AMZ1: variants seen among roughly 807,000 people sequenced by gnomAD.
AMZ1 encodes the protein archaemetzincin-1.
Under a neutral mutation model 29.9 loss-of-function variants are expected in AMZ1, and 39 were observed. The observed-to-expected ratio is 1.30, with a 90% CI of 1.01 to 1.70. The LOEUF is 1.70. AMZ1 is among the 40% of genes most tolerant of loss of function. The pLI, the probability that AMZ1 is intolerant of heterozygous loss-of-function variation, is 0.00. For synonymous variants in AMZ1, 458 were observed against 304.0 expected (o/e 1.51, Z -5.27); for missense variants, 1,041 against 680.6 (o/e 1.53, Z -5.89).
rs1269523430 is a variant in AMZ1, at chr7:2,708,678, C to T, written c.563C>T (p.Ala188Val). 1.2e-6 allele frequency: 2 copies of T among 1,613,146 alleles called. No individual in the cohort carries two copies. The highest frequency in any genetic ancestry group is 4.5e-5 in the East Asian group (2 of 44,884). The stretch of plus-strand genomic sequence containing the variant: ...CTGTCTGACCTGTACCCCCATGAGG[C>T]CTGGAGCTTCACCTTCAGCAAGTTC... Reference protein sequence around the residue: ...LTLSDLYPHEAWSFTFSKFLP... With the variant: ...LTLSDLYPHEVWSFTFSKFLP... Residue 188 changes from alanine (A) to valine (V), a missense_variant, in exon 4 of 7, where the codon GCC becomes GTC. Ala to Val is a moderately conservative substitution (Grantham distance 64). Coordinates refer to ENST00000683327, the MANE Select transcript of AMZ1 (RefSeq NM_001384743.1).
chr7:2,707,173 T>G (rs1002425373), intron 3 of AMZ1, among the ~76,000 whole-genome samples: 6 of 151,784 alleles, frequency 4.0e-5, no homozygotes, highest in Non-Finnish European at 8.8e-5. Context: ...CTCAGGAAGC[T>G]GAGGCAGGAG....
chr7:2,682,712 C>T (rs548842768), intron 1 of AMZ1, among the ~76,000 whole-genome samples: 6 of 152,256 alleles, frequency 3.9e-5, no homozygotes, highest in South Asian at 2.1e-4. Context: ...GCTTGTGTTC[C>T]GAGCCCCTTC....
chr7:2,709,727 G>C lies in AMZ1; in HGVS notation c.859G>C (p.Glu287Gln). 1.2e-6 allele frequency: 2 copies of C among 1,611,378 alleles called. No homozygotes were observed. Among genetic ancestry groups the C allele is most frequent in the South Asian group, 1.1e-5 (1 of 91,000 alleles). The change falls in exon 6 of 7, where the codon GAG becomes CAG. Residue 287 changes from glutamate (E) to glutamine (Q), a missense_variant. By Grantham distance (29) the Glu-to-Gln change is conservative. Coordinates refer to ENST00000683327, the MANE Select transcript of AMZ1 (RefSeq NM_001384743.1). ...CLMQGALSLD[E>Q]ALRRPLDLCP... ...CATGCAGGGTGCGCTCAGCCTGGAC[G>C]AGGCCCTGCGGCGGCCCCTGGACCT...
chr7:2,762,853 G>C (rs534113116), upstream of AMZ1: 4 of 1,479,822 alleles, frequency 2.7e-6, no homozygotes, highest in South Asian at 5.5e-5. Flanking sequence ...TCCGAAGCAG[G>C]AGAGGGCCAG....
intron 4 of AMZ1, among the ~76,000 whole-genome samples, chr7:2,747,126 T>C (rs1446399244): frequency 6.6e-6 from 1 of 152,178 alleles, no homozygotes; most frequent in African/African-American, 2.4e-5. Flanking sequence ...TCTGAAACTA[T>C]TCCAATCAAT....
downstream of AMZ1, among the ~76,000 whole-genome samples, chr7:2,722,272 G>A (rs774985873): frequency 8.6e-4 from 122 of 141,688 alleles, no homozygotes; most frequent in African/African-American, 2.5e-3. Context: ...AGGGCATTTC[G>A]AATTTTTTTT....
At chr7:2,722,647 G>A (rs1348066216), downstream of AMZ1, among the ~76,000 whole-genome samples, 1 of 152,214 alleles carries the variant, frequency 6.6e-6, no homozygotes, top group Non-Finnish European at 1.5e-5. Context: ...ACTGACAGAT[G>A]CAACAGAGAT....
chr7:2,723,802 C>T (rs560422332), downstream of AMZ1, among the ~76,000 whole-genome samples: 5 of 152,346 alleles, frequency 3.3e-5, no homozygotes, highest in African/African-American at 1.2e-4. Context: ...TACCAGAGAG[C>T]CCCGGAGCTG....
At chr7:2,708,203 T>A (rs773825733) in intron 3 of AMZ1, among the ~76,000 whole-genome samples, 11 of 152,186 alleles carry the variant, frequency 7.2e-5, no homozygotes, top group Non-Finnish European at 1.6e-4. Flanking sequence ...TTTAATCATC[T>A]GCAGCCCCTT....
At chr7:2,691,130 G>A (rs1156507796) in intron 1 of AMZ1, among the ~76,000 whole-genome samples, 5 of 39,504 alleles carry the variant, frequency 1.3e-4, no homozygotes, top group Non-Finnish European at 2.3e-4. Context: ...GGTGACAGAG[G>A]CAAAAAAAAA....
At chr7:2,683,903 T>C (rs1448559139), upstream of AMZ1, among the ~76,000 whole-genome samples, 1 of 151,096 alleles carries the variant, frequency 6.6e-6, no homozygotes, top group Non-Finnish European at 1.5e-5. Flanking sequence ...GTTGGCTGGG[T>C]GTAGTGGCTC....
intron 4 of AMZ1, among the ~76,000 whole-genome samples, chr7:2,747,351 G>A (rs1468338398): frequency 1.3e-5 from 2 of 152,234 alleles, no homozygotes; most frequent in Non-Finnish European, 2.9e-5. Context: ...TCCCTGGGAT[G>A]CAAGGCTGGT....
At chr7:2,762,860 C>T, upstream of AMZ1, 1 of 1,468,730 alleles carries the variant, frequency 6.8e-7, no homozygotes, top group Non-Finnish European at 9.1e-7. Context: ...CAGGAGAGGG[C>T]CAGCTCCGAG....
At position 2,712,735 on chromosome 7, in the gene AMZ1, C is replaced by A. The variant is rs897169661; in HGVS notation, c.1354C>A (p.Gln452Lys). 2 of 1,606,670 alleles carry A rather than the reference C, an allele frequency of 1.2e-6. No individual in the cohort carries two copies. Among genetic ancestry groups the A allele is most frequent in the Non-Finnish European group, 1.7e-6 (2 of 1,176,052 alleles). The change falls in exon 7 of 7, where the codon CAG becomes AAG. Residue 452 changes from glutamine (Q) to lysine (K), a missense_variant. Physicochemically the swap from Gln to Lys is moderately conservative, Grantham distance 53 (BLOSUM62 1). Transcript: ENST00000683327. ...MFTGQLPATR[Q>K]DPPSSRDSVG... The stretch of plus-strand genomic sequence containing the variant: ...CACGGGCCAGCTCCCGGCCACCAGG[C>A]AGGACCCACCCAGCAGCAGGGACAG...
At chr7:2,735,519 G>C (rs1790124587) in intron 4 of AMZ1, among the ~76,000 whole-genome samples, 1 of 152,184 alleles carries the variant, frequency 6.6e-6, no homozygotes, top group African/African-American at 2.4e-5. Flanking sequence ...GCACAATCAG[G>C]ACAAGCTCGA....
intron 3 of AMZ1, among the ~76,000 whole-genome samples, chr7:2,705,773 C>G (rs1788317073): frequency 3.3e-5 from 5 of 152,232 alleles, no homozygotes. Context: ...CACAGGCTTC[C>G]CCAGCCCCTG....
In AMZ1 at chr7:2,744,969, A is replaced by C. The variant is rs150935282; in HGVS notation, n.551-19743A>C. Reference sequence around the variant, plus strand: ...TGAAGTGAGAAGAGAAGCTTAGAGAAAAAAGAATAAAAAGAAACGAACAAG... The same window carrying C: ...TGAAGTGAGAAGAGAAGCTTAGAGACAAAAGAATAAAAAGAAACGAACAAG... On this transcript the variant is annotated intron_variant and non_coding_transcript_variant, in intron 4 of 4. Coordinates refer to the AMZ1 transcript ENST00000489665. Among the ~76,000 whole-genome samples, 510 of 152,328 alleles carry C rather than the reference A, an allele frequency of 3.3e-3. 4 individuals are homozygous for C. The highest frequency in any genetic ancestry group is 0.012 in the African/African-American group (479 of 41,576).
rs146110826 is a variant in AMZ1 at position 2,681,310 on chromosome 7, C to A, written c.-219+1639C>A. Among the ~76,000 whole-genome samples the A allele has an allele frequency of 2.7e-3, 408 of 152,300 alleles. 3 individuals carry two copies. Among genetic ancestry groups the A allele is most frequent in the African/African-American group, 9.6e-3 (397 of 41,556 alleles). ...CAATCATGGCTCACTGCAGCCTTGA[C>A]CTCCCCGGCCTCTGGTGATCCTCCC... On this transcript the variant is annotated intron_variant, in intron 1 of 6. Transcript: ENST00000312371.
At chr7:2,697,232 G>A (rs1221396317) in intron 1 of AMZ1, among the ~76,000 whole-genome samples, 1 of 152,048 alleles carries the variant, frequency 6.6e-6, no homozygotes, top group African/African-American at 2.4e-5. Context: ...GAGTAGCTGG[G>A]ATTACAGGCA....
Sources: allele counts gnomAD v4.1 joint callset (sites outside exome capture counted in the v4.1 genomes callset), GRCh38; gene constraint gnomAD v4.1.1; transcripts MANE v1.5; gene names NCBI Gene and HGNC (gene_info 2026-07-23, HGNC 2026-07-21).